The following THSD7A variants were observed in gnomAD, a reference collection of about 807,000 sequenced individuals.
The protein encoded by THSD7A is thrombospondin type-1 domain-containing protein 7A.
A neutral mutation model predicts 231.3 loss-of-function variants in THSD7A; 96 were observed. The ratio of observed to expected loss-of-function variants is 0.41; its 90% CI spans 0.35 to 0.49. The LOEUF (loss-of-function observed/expected upper bound fraction) is 0.49, where lower values mean the gene tolerates loss of function less well. THSD7A is among the 20% of genes least tolerant of loss of function. THSD7A has a pLI of 0.05. For missense variants in THSD7A, 2,290 were observed against 2,070.2 expected (o/e 1.11, Z -2.06); for synonymous variants, 940 against 743.3 (o/e 1.26, Z -4.30).
Position 11,671,495 on chromosome 7 carries a change from G to C in THSD7A, c.191-34534C>G, listed in dbSNP as rs1783391151. 2.0e-5 allele frequency among the ~76,000 whole-genome samples: 3 copies of C among 152,236 alleles called. No homozygotes were observed. In the South Asian group the frequency reaches 6.2e-4, roughly 32 times the overall value. ...AGAAACATTCTGTTCATCTGGCCTT[G>C]TGTTCATTTATTATTTATTGTAATT... On this transcript the variant is annotated intron_variant, in intron 1 of 27. Coordinates refer to ENST00000423059, the MANE Select transcript of THSD7A (RefSeq NM_015204.3).
chr7:11,524,940 G>T (rs1181631311), intron 6 of THSD7A, among the ~76,000 whole-genome samples: 1 of 152,192 alleles, frequency 6.6e-6, no homozygotes, highest in African/African-American at 2.4e-5. Flanking sequence ...ATTTTCAAAA[G>T]AAACAGCAGG....
At chr7:11,670,178 G>A (rs1783322880) in intron 1 of THSD7A, among the ~76,000 whole-genome samples, 3 of 152,144 alleles carry the variant, frequency 2.0e-5, no homozygotes, top group African/African-American at 7.2e-5. Flanking sequence ...GTTCAATTTG[G>A]CTATCATGGA....
chr7:11,715,473 G>A (rs536178071), intron 1 of THSD7A, among the ~76,000 whole-genome samples: 2 of 151,554 alleles, frequency 1.3e-5, no homozygotes, highest in South Asian at 4.2e-4. Flanking sequence ...GCTAACAAGT[G>A]TTTAAACTAG....
chr7:11,500,416 A>C (rs1787282319), intron 6 of THSD7A, among the ~76,000 whole-genome samples: 1 of 152,124 alleles, frequency 6.6e-6, no homozygotes, highest in Non-Finnish European at 1.5e-5. Flanking sequence ...ACAAGCCAAC[A>C]CAATAACCAG....
chr7:11,599,773 G>A (rs986516719), intron 2 of THSD7A, among the ~76,000 whole-genome samples: 1 of 151,980 alleles, frequency 6.6e-6, no homozygotes, highest in Non-Finnish European at 1.5e-5. Context: ...TTGGATGGAA[G>A]GATGCAAAGT....
chr7:11,551,343 G>A (rs530193090), intron 4 of THSD7A, among the ~76,000 whole-genome samples: 34 of 152,208 alleles, frequency 2.2e-4, no homozygotes, highest in African/African-American at 7.7e-4. Context: ...ATTGACAAAT[G>A]AGACCTAATT....
At chr7:11,711,849 T>C (rs1780976637) in intron 1 of THSD7A, among the ~76,000 whole-genome samples, 1 of 151,150 alleles carries the variant, frequency 6.6e-6, no homozygotes. Context: ...TTACCATCTT[T>C]GCATCCATAT....
intron 1 of THSD7A, among the ~76,000 whole-genome samples, chr7:11,767,364 T>A (rs889010939): frequency 6.6e-6 from 1 of 152,152 alleles, no homozygotes; most frequent in Non-Finnish European, 1.5e-5. Context: ...TGTGGTTACT[T>A]TCCTCCAGTC....
rs1784000638 is a variant in THSD7A at position 11,417,509 on chromosome 7, A to G, written c.3478T>C (p.Leu1160=). The change falls in exon 17 of 28, where the codon TTA becomes CTA. Residue 1160 remains leucine, a synonymous_variant. Coordinates refer to ENST00000423059, the MANE Select transcript of THSD7A (RefSeq NM_015204.3). ...ATCACACAGTCCTCAGGGCATGGTA[A>G]TTTGCACACTCTAGAGCCCAGGGGC... is the stretch of plus-strand genomic sequence containing the variant. The part of the protein sequence containing the change: ...EMPLGSRVCK[L]PCPEDCVISE... The G allele has an allele frequency of 1.9e-6, 3 of 1,613,770 alleles. No individual in the cohort carries two copies. In the East Asian group the frequency reaches 6.7e-5, roughly 36 times the overall value.
At chr7:11,526,991 T>C (rs994139017) in intron 6 of THSD7A, among the ~76,000 whole-genome samples, 1 of 152,208 alleles carries the variant, frequency 6.6e-6, no homozygotes. Context: ...TGAATGAGCC[T>C]AGGCAGCAGA....
intron 23 of THSD7A, among the ~76,000 whole-genome samples, chr7:11,396,708 G>C (rs1194192815): frequency 6.6e-6 from 1 of 152,170 alleles, no homozygotes; most frequent in East Asian, 1.9e-4. Flanking sequence ...GGTACAAAGA[G>C]GAGCTGGTAC....
chr7:11,706,630 CTTTTTTTTTTT>C (rs66964252), intron 1 of THSD7A, among the ~76,000 whole-genome samples: 1 of 66,420 alleles, frequency 1.5e-5, no homozygotes, highest in Non-Finnish European at 2.7e-5. Context: ...TAACAAGGTG[CTTTTTTTTTTT>C]TTTTTTTTTT....
chr7:11,622,335 CT>C (rs1781338520), intron 2 of THSD7A, among the ~76,000 whole-genome samples: 1 of 151,948 alleles, frequency 6.6e-6, no homozygotes, highest in Non-Finnish European at 1.5e-5. Context: ...TCTTTACCAT[CT>C]AATTATTTTA....
At position 11,502,586 on chromosome 7, in the gene THSD7A, C is replaced by T. The variant is rs185285349; in HGVS notation, c.1823-20604G>A. Among the ~76,000 whole-genome samples, 282 of 151,978 alleles carry T rather than the reference C, an allele frequency of 1.9e-3. 4 individuals are homozygous for T. Among genetic ancestry groups the T allele is most frequent in the African/African-American group, 5.9e-3 (245 of 41,450 alleles). On this transcript the variant is annotated intron_variant, in intron 6 of 27. Coordinates refer to ENST00000423059, the MANE Select transcript of THSD7A (RefSeq NM_015204.3). The stretch of plus-strand genomic sequence containing the variant: ...AAGTCTTTTGATAAAATTCAACATC[C>T]CTTCATCTTAAAAACTCTCAATAAT...
chr7:11,554,713 T>C (rs1032330239), intron 4 of THSD7A, among the ~76,000 whole-genome samples: 5 of 152,050 alleles, frequency 3.3e-5, no homozygotes, highest in Non-Finnish European at 7.4e-5. Flanking sequence ...GATTTTTGTC[T>C]ATGTATGAGG....
chr7:11,735,359 T>C (rs942307942), intron 1 of THSD7A, among the ~76,000 whole-genome samples: 18 of 152,006 alleles, frequency 1.2e-4, no homozygotes, highest in Admixed American at 9.2e-4. Flanking sequence ...TGCTCCGAAA[T>C]AGAAAACTTT....
intron 14 of THSD7A, among the ~76,000 whole-genome samples, chr7:11,428,076 AGTAT>A (rs1784375430): frequency 6.6e-6 from 1 of 152,196 alleles, no homozygotes; most frequent in East Asian, 1.9e-4. Context: ...TGGGAAGGAA[AGTAT>A]GTATACAGGT....
chr7:11,609,782 G>A (rs1453921734), intron 2 of THSD7A, among the ~76,000 whole-genome samples: 1 of 151,992 alleles, frequency 6.6e-6, no homozygotes, highest in East Asian at 1.9e-4. Context: ...GGTGTGTGTG[G>A]GGTTATTAAT....
chr7:11,825,895 A>C (rs1343177221), intron 1 of THSD7A, among the ~76,000 whole-genome samples: 1 of 152,212 alleles, frequency 6.6e-6, no homozygotes, highest in Non-Finnish European at 1.5e-5. Context: ...TGTAAGAACA[A>C]TTGAAGTTTA....
Sources: gnomAD v4.1 joint callset for allele counts (sites outside exome capture counted in the v4.1 genomes callset) on GRCh38, gnomAD v4.1.1 for gene constraint, MANE v1.5 for transcripts, NCBI Gene and HGNC (gene_info 2026-07-23, HGNC 2026-07-21) for gene names.